SLIT2: variants seen among roughly 807,000 people sequenced by gnomAD.
SLIT2 encodes slit guidance ligand 2.
SLIT2 carries 41 observed loss-of-function variants against 185.7 expected under a neutral mutation model. The observed-to-expected ratio is 0.22, with a 90% CI of 0.17 to 0.29. The LOEUF (loss-of-function observed/expected upper bound fraction) is 0.29. Among genes scored for constraint, SLIT2 ranks in the 10% least tolerant of loss-of-function variants. The pLI, the probability that SLIT2 is intolerant of heterozygous loss-of-function variation, is 1.00. For missense variants in SLIT2, 1,571 were observed against 1,909.0 expected (o/e 0.82, Z 3.30); for synonymous variants, 693 against 680.2 (o/e 1.02, Z -0.29).
chr4:20,590,527 A>AT (rs1727438961), intron 30 of SLIT2, among the ~76,000 whole-genome samples: 1 of 152,228 alleles, frequency 6.6e-6, no homozygotes, highest in Admixed American at 6.5e-5. Flanking sequence ...TATGCCTGTG[A>AT]TGATCACTGT....
chr4:20,507,251 G>T (rs1417754512), intron 9 of SLIT2, among the ~76,000 whole-genome samples: 1 of 151,622 alleles, frequency 6.6e-6, no homozygotes, highest in Non-Finnish European at 1.5e-5. Flanking sequence ...GGGTTTTTTT[G>T]GTGACAATCA....
At chr4:20,371,445 T>C (rs1344158418) in intron 4 of SLIT2, among the ~76,000 whole-genome samples, 2 of 152,134 alleles carry the variant, frequency 1.3e-5, no homozygotes, top group Non-Finnish European at 2.9e-5. Context: ...TATTAAAACA[T>C]GTTCCTGTAA....
chr4:20,324,290 T>C (rs958765226), intron 4 of SLIT2, among the ~76,000 whole-genome samples: 1 of 152,040 alleles, frequency 6.6e-6, no homozygotes, highest in African/African-American at 2.4e-5. Context: ...GATGTTGTAT[T>C]GGTGAGGTGC....
chr4:20,611,705 T>C (rs1729235744), intron 34 of SLIT2, among the ~76,000 whole-genome samples: 1 of 152,212 alleles, frequency 6.6e-6, no homozygotes, highest in Admixed American at 6.5e-5. Flanking sequence ...ATAAATTATA[T>C]TTATTGAGCA....
chr4:20,587,003 T>G (rs1056332306), intron 29 of SLIT2, among the ~76,000 whole-genome samples: 4 of 152,090 alleles, frequency 2.6e-5, no homozygotes, highest in African/African-American at 9.7e-5. Flanking sequence ...AGCATTATAA[T>G]GTTCGGTGAT....
intron 4 of SLIT2, among the ~76,000 whole-genome samples, chr4:20,341,621 T>C (rs1186489159): frequency 6.6e-6 from 1 of 152,214 alleles, no homozygotes; most frequent in Non-Finnish European, 1.5e-5. Flanking sequence ...TAATTGTATC[T>C]AGGGGAAGTA....
intron 4 of SLIT2, among the ~76,000 whole-genome samples, chr4:20,451,963 C>A (rs1361438739): frequency 6.6e-6 from 1 of 152,242 alleles, no homozygotes; most frequent in Non-Finnish European, 1.5e-5. Flanking sequence ...GCAAAACAAC[C>A]AAAGCATTTG....
chr4:20,403,343 A>G (rs982440458), intron 4 of SLIT2, among the ~76,000 whole-genome samples: 6 of 151,952 alleles, frequency 3.9e-5, no homozygotes, highest in African/African-American at 9.7e-5. Context: ...CCATACACCA[A>G]TTCCCAGCAG....
rs187055967 is a variant in SLIT2 at position 20,253,804 on chromosome 4, C to T, written c.-12C>T. Reference sequence around the variant, plus strand: ...CCCCCAGTGCCGGCGAGGAAGGAGGCGGCGGGGAAAGATGCGCGGCGTTGG... The same window carrying T: ...CCCCCAGTGCCGGCGAGGAAGGAGGTGGCGGGGAAAGATGCGCGGCGTTGG... On this transcript the variant is annotated 5_prime_UTR_variant, in exon 1 of 37. Coordinates refer to ENST00000504154, the MANE Select transcript of SLIT2 (RefSeq NM_004787.4). The T allele has an allele frequency of 4.4e-4, 705 of 1,597,024 alleles. 17 individuals carry two copies. The East Asian group carries it at 0.016, about 35-fold the overall frequency.
chr4:20,472,524 C>CTATATAGA (rs1553908727), intron 5 of SLIT2, among the ~76,000 whole-genome samples: 139 of 7,742 alleles, frequency 0.018, 36 homozygotes, highest in Admixed American at 0.04. Flanking sequence ...AGATATATAT[C>CTATATAGA]TATATATAGA....
chr4:20,435,762 G>A lies in SLIT2; in HGVS notation c.396-31990G>A, dbSNP rs193261701. On this transcript the variant is annotated intron_variant, in intron 4 of 36. Transcript: ENST00000504154. ...CAGAGCATTCCAAATGAAGTCATAG[G>A]TGTAAGCAAATAGGTAAAAATGGAT... 2.2e-3 allele frequency among the ~76,000 whole-genome samples: 338 copies of A among 152,318 alleles called. 1 individual carries two copies. The highest frequency in any genetic ancestry group is 4.1e-3 in the Non-Finnish European group (278 of 68,026).
chr4:20,618,994 G>A lies in SLIT2; in HGVS notation c.4575G>A (p.Thr1525=), dbSNP rs766368489. 3.3e-5 allele frequency: 54 copies of A among 1,613,820 alleles called. No homozygotes were observed. Among genetic ancestry groups the A allele is most frequent in the East Asian group, 3.1e-4 (14 of 44,858 alleles). Residue 1525 remains threonine (T), a synonymous_variant, in exon 37 of 37, where the codon ACG becomes ACA. Coordinates refer to ENST00000504154, the MANE Select transcript of SLIT2 (RefSeq NM_004787.4). ...AGAAAGTGGTGAAGTGCGGCTGTAC[G>A]AGGTGTGTGTCCTAAACACACTCCC... ...EVEKVVKCGC[T]RCVS is the part of the protein sequence containing the mutation.
chr4:20,413,778 A>G (rs530769842), intron 4 of SLIT2, among the ~76,000 whole-genome samples: 2 of 151,594 alleles, frequency 1.3e-5, no homozygotes, highest in South Asian at 4.2e-4. Context: ...CCATCCTTTT[A>G]TTTTCAATCT....
At chr4:20,441,686 G>A (rs539154008) in intron 4 of SLIT2, among the ~76,000 whole-genome samples, 22 of 152,180 alleles carry the variant, frequency 1.4e-4, no homozygotes, top group African/African-American at 4.3e-4. Context: ...GGGTTTGCTC[G>A]GAAACAGTCA....
At chr4:20,488,672 A>G in intron 7 of SLIT2, 147 bp from the exon 8 acceptor site, 1 of 505,830 alleles carries the variant, frequency 2.0e-6, no homozygotes, top group Non-Finnish European at 3.4e-6. Flanking sequence ...TGATTCTGTG[A>G]TTGTACATCA....
intron 34 of SLIT2, among the ~76,000 whole-genome samples, 174 bp downstream of exon 34, chr4:20,610,341 G>A (rs1426822599): frequency 1.3e-5 from 2 of 152,024 alleles, no homozygotes; most frequent in Non-Finnish European, 2.9e-5. Context: ...GGGTGTTAAG[G>A]GATCATTTTA....
At chr4:20,582,676 G>A (rs577385824) in intron 29 of SLIT2, among the ~76,000 whole-genome samples, 2 of 152,224 alleles carry the variant, frequency 1.3e-5, no homozygotes, top group South Asian at 2.1e-4. Context: ...CATTTTTGCG[G>A]TAGATCTTAG....
chr4:20,543,335 C>T (rs986593122), intron 21 of SLIT2, among the ~76,000 whole-genome samples: 1 of 152,148 alleles, frequency 6.6e-6, no homozygotes, highest in African/African-American at 2.4e-5. Context: ...GCTCCCTTGG[C>T]TGCCTCATGC....
chr4:20,555,654 C>T (rs533951953), intron 26 of SLIT2, among the ~76,000 whole-genome samples: 3 of 152,152 alleles, frequency 2.0e-5, no homozygotes, highest in Admixed American at 2.0e-4. Flanking sequence ...TACATACCCT[C>T]AACGTTTTTA....
Sources: gnomAD v4.1 joint callset for allele counts (sites outside exome capture counted in the v4.1 genomes callset) on GRCh38, gnomAD v4.1.1 for gene constraint, MANE v1.5 for transcripts, NCBI Gene and HGNC (gene_info 2026-07-23, HGNC 2026-07-21) for gene names.